RBKS: variants seen among roughly 807,000 people sequenced by gnomAD.
The protein encoded by RBKS is ribokinase.
A neutral mutation model predicts 33.9 loss-of-function variants in RBKS; 33 were observed. That is an observed-to-expected ratio of 0.97 (90% CI 0.74 to 1.30). The LOEUF (loss-of-function observed/expected upper bound fraction) is 1.30. RBKS is among the 50% of genes most tolerant of loss of function. RBKS has a pLI of 0.00. For synonymous variants in RBKS, 125 were observed against 143.0 expected (o/e 0.87, Z 0.90); for missense variants, 361 against 392.6 (o/e 0.92, Z 0.68).
intron 7 of RBKS, among the ~76,000 whole-genome samples, chr2:27,788,570 G>A (rs1253374535): frequency 6.6e-6 from 1 of 152,170 alleles, no homozygotes; most frequent in African/African-American, 2.4e-5. Context: ...AGCTGGGCAT[G>A]GTGGCAGGCA....
At chr2:27,819,735 C>T (rs1004870693) in intron 7 of RBKS, among the ~76,000 whole-genome samples, 27 of 152,148 alleles carry the variant, frequency 1.8e-4, no homozygotes, top group Admixed American at 1.7e-3. Flanking sequence ...AAAACCTGAA[C>T]GTGAGGAAAA....
intron 1 of RBKS, among the ~76,000 whole-genome samples, chr2:27,862,378 T>G (rs1235861034): frequency 6.6e-6 from 1 of 152,228 alleles, no homozygotes; most frequent in Non-Finnish European, 1.5e-5. Context: ...TTGTGTGTTA[T>G]TTTATATTCT....
intron 5 of RBKS, among the ~76,000 whole-genome samples, chr2:27,841,573 C>T (rs1663508996): frequency 6.6e-6 from 1 of 152,120 alleles, no homozygotes; most frequent in Non-Finnish European, 1.5e-5. Flanking sequence ...CACTAAATGT[C>T]AGGGAAAATT....
At chr2:27,822,604 T>A (rs1439284398) in intron 7 of RBKS, among the ~76,000 whole-genome samples, 2 of 152,198 alleles carry the variant, frequency 1.3e-5, no homozygotes, top group African/African-American at 4.8e-5. Context: ...TAACAGAAAT[T>A]ATCTCTACTT....
Position 27,870,811 on chromosome 2 carries a change from C to T in RBKS, c.90-12240G>A, listed in dbSNP as rs147306354. 2,570 of 465,720 alleles carry T rather than the reference C, an allele frequency of 5.5e-3. 66 individuals are homozygous for T. Among genetic ancestry groups the T allele is most frequent in the African/African-American group, 0.046 (2,311 of 50,148 alleles). The allele number at this position is 465,720 out of a possible 1,614,324, so 28.8% of individuals were successfully genotyped here. On this transcript the variant is annotated intron_variant, in intron 1 of 7. Transcript: ENST00000302188. ...GTTCAGTTTTCCTGACATGTAATCA[C>T]GCAAAGACTTGAACAGTTCTGCAGC...
chr2:27,803,800 A>C (rs1263909330), intron 7 of RBKS, among the ~76,000 whole-genome samples: 1 of 151,984 alleles, frequency 6.6e-6, no homozygotes, highest in African/African-American at 2.4e-5. Context: ...TAATCCCAGC[A>C]CTTTGGGAAG....
At chr2:27,841,013 G>A (rs1010199528) in intron 5 of RBKS, among the ~76,000 whole-genome samples, 2 of 152,092 alleles carry the variant, frequency 1.3e-5, no homozygotes, top group East Asian at 3.9e-4. Flanking sequence ...TTAATACCAA[G>A]GCATGCTGGC....
At chr2:27,835,814 C>T (rs1052046881) in intron 5 of RBKS, among the ~76,000 whole-genome samples, 16 of 151,998 alleles carry the variant, frequency 1.1e-4, no homozygotes, top group African/African-American at 1.7e-4. Context: ...GAAAAAATGT[C>T]GGAGAGGTTT....
In RBKS at chr2:27,795,521, A is replaced by G. The variant is rs1382763889; in HGVS notation, c.796-13733T>C. Among the ~76,000 whole-genome samples the G allele has an allele frequency of 6.6e-6, 1 of 152,204 alleles. No individual in the cohort carries two copies. Among genetic ancestry groups the G allele is most frequent in the African/African-American group, 2.4e-5 (1 of 41,452 alleles). On this transcript the variant is annotated intron_variant, in intron 7 of 7. Coordinates refer to ENST00000302188, the MANE Select transcript of RBKS (RefSeq NM_022128.3). This position sits in a 1 kb window ranked among gnomAD's most constrained non-coding sequence, Gnocchi z 4.1. Reference sequence around the variant, plus strand: ...TGTTTGCTCCTCATCAAGAGGCAGCAAAGCCGGGTATTTATATACACACAC... The same window carrying G: ...TGTTTGCTCCTCATCAAGAGGCAGCGAAGCCGGGTATTTATATACACACAC...
chr2:27,871,962 G>C (rs1346347382), intron 1 of RBKS, among the ~76,000 whole-genome samples: 1 of 152,192 alleles, frequency 6.6e-6, no homozygotes, highest in Non-Finnish European at 1.5e-5. Flanking sequence ...CCAGTGCACA[G>C]CCTAGATCCC....
At chr2:27,829,555 G>A (rs867384516) in intron 6 of RBKS, among the ~76,000 whole-genome samples, 2 of 151,908 alleles carry the variant, frequency 1.3e-5, no homozygotes, top group Non-Finnish European at 2.9e-5. Context: ...TTTTAGTAGA[G>A]ATGGGTTTTC....
chr2:27,861,668 G>GGC (rs1663990009), intron 1 of RBKS: 1 of 429,660 alleles, frequency 2.3e-6, no homozygotes, highest in African/African-American at 2.1e-5. Context: ...CTTTTTGGGG[G>GGC]GGGGGTGGAG....
At chr2:27,834,515 A>T (rs1678478980) in intron 5 of RBKS, among the ~76,000 whole-genome samples, 2 of 152,114 alleles carry the variant, frequency 1.3e-5, no homozygotes, top group Admixed American at 1.3e-4. Context: ...CTGTCTACCC[A>T]TCTCTTCTGC....
At chr2:27,801,122 G>T (rs1677770166) in intron 7 of RBKS, among the ~76,000 whole-genome samples, 1 of 152,236 alleles carries the variant, frequency 6.6e-6, no homozygotes, top group South Asian at 2.1e-4. Context: ...CCATGGAGAG[G>T]AGATGTAGCA....
At chr2:27,826,753 T>G (rs574561363) in intron 7 of RBKS, among the ~76,000 whole-genome samples, 1 of 152,284 alleles carries the variant, frequency 6.6e-6, no homozygotes, top group Non-Finnish European at 1.5e-5. Context: ...TTCCCCAGCT[T>G]TAGGGGAACC....
chr2:27,887,797 A>G (rs1664569491), intron 1 of RBKS, among the ~76,000 whole-genome samples: 1 of 152,126 alleles, frequency 6.6e-6, no homozygotes, highest in Non-Finnish European at 1.5e-5. Context: ...TCATGTGAAG[A>G]GAAGAAACTT....
chr2:27,885,447 T>C (rs1253239838), intron 1 of RBKS, among the ~76,000 whole-genome samples: 1 of 152,220 alleles, frequency 6.6e-6, no homozygotes, highest in Non-Finnish European at 1.5e-5. Flanking sequence ...TGACTCAATG[T>C]CCTTTAATCA....
At position 27,821,040 on chromosome 2, in the gene RBKS, C is replaced by CAA. The variant is rs59964452; in HGVS notation, c.795+6525_795+6526dup. Among the ~76,000 whole-genome samples the CAA allele has an allele frequency of 4.5e-3, 307 of 67,712 alleles. 2 individuals are homozygous for CAA. The highest frequency in any genetic ancestry group is 5.4e-3 in the Non-Finnish European group (162 of 30,232). The allele number at this position is 67,712 out of a possible 152,430, so 44.4% of individuals were successfully genotyped here. A position where few individuals can be genotyped will look rare whatever the true frequency, so the allele number is the denominator to read the frequency against. On this transcript the variant is annotated intron_variant, in intron 7 of 7. Transcript: ENST00000302188. ...AGGCACCCAGAGCAAAACTCCATCTCAAAAAAAAAAAAAAAAAAAAAAAAG... is the reference window on the plus strand; with the variant it reads ...AGGCACCCAGAGCAAAACTCCATCTCAAAAAAAAAAAAAAAAAAAAAAAAAAG...
At chr2:27,859,914 T>C (rs1445199505) in intron 1 of RBKS, among the ~76,000 whole-genome samples, 3 of 152,194 alleles carry the variant, frequency 2.0e-5, no homozygotes, top group Non-Finnish European at 4.4e-5. Flanking sequence ...ATATAACTGA[T>C]GCTAAGAACA....
Sources: allele counts gnomAD v4.1 joint callset (sites outside exome capture counted in the v4.1 genomes callset), GRCh38; gene constraint gnomAD v4.1.1; non-coding constraint Gnocchi (gnomAD v3.1); transcripts MANE v1.5; gene names NCBI Gene and HGNC (gene_info 2026-07-23, HGNC 2026-07-21).